The following CTCF variants were observed in gnomAD, a reference collection of about 807,000 sequenced individuals.
CTCF encodes the protein transcriptional repressor CTCF.
CTCF carries 7 observed loss-of-function variants against 72.3 expected under a neutral mutation model. The ratio of observed to expected loss-of-function variants is 0.10; its 90% CI spans 0.06 to 0.18. The LOEUF is 0.18. Ranked by LOEUF, CTCF falls within the 10% of genes least tolerant of loss-of-function variation. The pLI is 1.00. For synonymous variants in CTCF, 374 were observed against 315.8 expected (o/e 1.18, Z -1.95); for missense variants, 516 against 949.1 (o/e 0.54, Z 6.00).
chr16:67,571,464 C>CT (rs1196883785), intron 2 of CTCF, among the ~76,000 whole-genome samples, 200 bp downstream of exon 2: 3 of 152,156 alleles, frequency 2.0e-5, no homozygotes, highest in African/African-American at 7.2e-5. Context: ...GGGCAAGTTA[C>CT]TTTAACCTGT....
At chr16:67,608,427 G>T (rs2052007994) in intron 2 of CTCF, among the ~76,000 whole-genome samples, 1 of 152,132 alleles carries the variant, frequency 6.6e-6, no homozygotes, top group Non-Finnish European at 1.5e-5. Context: ...CAAGTTGATG[G>T]TATGACATGG....
At chr16:67,606,055 C>T (rs1451222349) in intron 2 of CTCF, among the ~76,000 whole-genome samples, 1 of 152,192 alleles carries the variant, frequency 6.6e-6, no homozygotes, top group Admixed American at 6.6e-5. Context: ...CTTTACTTCT[C>T]TGCCCAGAAA....
intron 2 of CTCF, among the ~76,000 whole-genome samples, chr16:67,581,718 G>A (rs981302638): frequency 2.6e-5 from 4 of 151,802 alleles, no homozygotes; most frequent in African/African-American, 9.7e-5. Context: ...GGCCAGGCTG[G>A]TCTAGAACTC....
intron 7 of CTCF, among the ~76,000 whole-genome samples, chr16:67,622,811 A>ATTTTTTTTTTTT (rs951749794): frequency 1.6e-5 from 2 of 123,930 alleles, no homozygotes; most frequent in Admixed American, 8.2e-5. Context: ...GCCCGGCTAA[A>ATTTTTTTTTTTT]TTTTTTTTTT....
chr16:67,616,608 T>G, intron 4 of CTCF, 137 bp from the exon 5 acceptor site: 1 of 952,686 alleles, frequency 1.0e-6, no homozygotes, highest in Non-Finnish European at 1.6e-6. Context: ...AGCTGACTTT[T>G]GTATCTGCTT....
At chr16:67,563,707 A>G (rs912059477) in intron 1 of CTCF, 8 of 152,222 alleles carry the variant, frequency 5.3e-5, no homozygotes, top group Non-Finnish European at 1.0e-4. Context: ...TGAAACTTAA[A>G]TTTCATTCTG....
At chr16:67,566,504 T>C (rs1051431278) in intron 1 of CTCF, among the ~76,000 whole-genome samples, 5 of 136,918 alleles carry the variant, frequency 3.7e-5, no homozygotes, top group Non-Finnish European at 7.9e-5. Context: ...AGTGAGACTT[T>C]GTCTCAAAAT....
At chr16:67,637,312 A>G (rs1440560842) in intron 11 of CTCF, among the ~76,000 whole-genome samples, 1 of 152,174 alleles carries the variant, frequency 6.6e-6, no homozygotes. Context: ...CGGGAGGATC[A>G]CCTGAGGTCA....
intron 2 of CTCF, among the ~76,000 whole-genome samples, chr16:67,587,531 T>G (rs1372981020): frequency 1.5e-5 from 2 of 132,582 alleles, no homozygotes; most frequent in Admixed American, 7.2e-5. Context: ...TTCTGCAGGG[T>G]TTTTTTTTTT....
intron 2 of CTCF, among the ~76,000 whole-genome samples, chr16:67,577,357 CAAAA>C (rs72483780): frequency 1.6e-5 from 1 of 61,396 alleles, no homozygotes; most frequent in Non-Finnish European, 3.5e-5. Flanking sequence ...GGCTCTGTCT[CAAAA>C]AAAAAAAAAA....
Position 67,604,610 on chromosome 16 carries a change from G to A in CTCF, c.-9-6214G>A, listed in dbSNP as rs59390502. 1.7e-4 allele frequency among the ~76,000 whole-genome samples: 26 copies of A among 151,996 alleles called. No homozygotes were observed. The South Asian group carries it at 5.0e-3, about 29-fold the overall frequency. ...CCTGCCTTGGCCTCCCAAAGTGTTG[G>A]GATTACAGACATGAGCCACCATACC... On this transcript the variant is annotated intron_variant, in intron 2 of 11. Coordinates refer to ENST00000264010, the MANE Select transcript of CTCF (RefSeq NM_006565.4).
At chr16:67,617,099 C>T (rs1388005675) in intron 5 of CTCF, among the ~76,000 whole-genome samples, 2 of 152,116 alleles carry the variant, frequency 1.3e-5, no homozygotes, top group African/African-American at 4.8e-5. Context: ...CGGTGGCTCA[C>T]GCCTATAATC....
chr16:67,601,293 C>CTGTGTG (rs2051885866), intron 2 of CTCF, among the ~76,000 whole-genome samples: 1 of 75,532 alleles, frequency 1.3e-5, no homozygotes, highest in Non-Finnish European at 2.8e-5. Flanking sequence ...CACTCTGTCA[C>CTGTGTG]CGTGTGTGTG....
intron 8 of CTCF, 147 bp downstream of exon 8, chr16:67,626,862 G>T: frequency 2.0e-6 from 1 of 491,834 alleles, no homozygotes; most frequent in South Asian, 9.3e-5. Flanking sequence ...CAAAGGTCAT[G>T]CTCCTTGTCA....
intron 10 of CTCF, among the ~76,000 whole-genome samples, chr16:67,629,745 C>CTTTTTTTT (rs1567616725): frequency 2.9e-4 from 25 of 85,064 alleles, no homozygotes; most frequent in Non-Finnish European, 4.6e-4. Context: ...TCATTAATGC[C>CTTTTTTTT]CTTTTTTTTT....
rs2051669926 is a variant in CTCF at position 67,586,458 on chromosome 16, C to G, written c.-10+15194C>G. ...AGGCTGAGGCAGAGAATTGCTTGAA[C>G]CCGGGAGGCAGAGGTTGCAGTGAGC... On this transcript the variant is annotated intron_variant, in intron 2 of 11. Transcript: ENST00000264010. 2.6e-5 allele frequency among the ~76,000 whole-genome samples: 4 copies of G among 151,782 alleles called. 1 individual carries two copies. In the South Asian group the frequency reaches 8.3e-4, roughly 32 times the overall value.
At chr16:67,573,683 C>T (rs368364872) in intron 2 of CTCF, among the ~76,000 whole-genome samples, 11 of 151,422 alleles carry the variant, frequency 7.3e-5, no homozygotes, top group African/African-American at 1.2e-4. Context: ...TAGGGAAAAA[C>T]TCTCAAGCCC....
intron 2 of CTCF, among the ~76,000 whole-genome samples, chr16:67,609,839 T>A (rs750103214): frequency 5.9e-5 from 9 of 152,084 alleles, no homozygotes; most frequent in Non-Finnish European, 7.4e-5. Context: ...TTAGCCAGGA[T>A]GGTCTCGATC....
At chr16:67,589,760 G>A (rs74708087) in intron 2 of CTCF, among the ~76,000 whole-genome samples, 3 of 152,074 alleles carry the variant, frequency 2.0e-5, no homozygotes, top group East Asian at 1.9e-4. Flanking sequence ...CCCAAATGAC[G>A]CTTCAACACC....
Sources: allele counts gnomAD v4.1 joint callset (sites outside exome capture counted in the v4.1 genomes callset), GRCh38; gene constraint gnomAD v4.1.1; transcripts MANE v1.5; gene names NCBI Gene and HGNC (gene_info 2026-07-23, HGNC 2026-07-21).